Variants in CHMP4B observed in about 807,000 individuals in gnomAD.
CHMP4B encodes the protein charged multivesicular body protein 4B, also known as SNF7 homolog associated with Alix 1.
In CHMP4B, 1 loss-of-function variant was observed where a neutral mutation model predicts 25.1. The observed-to-expected ratio is 0.04, with a 90% CI of 0.01 to 0.19. The LOEUF (loss-of-function observed/expected upper bound fraction) is 0.19. Ranked by LOEUF, CHMP4B falls within the 10% of genes least tolerant of loss-of-function variation. The pLI is 1.00. For missense variants in CHMP4B, 151 were observed against 289.7 expected, an observed-to-expected ratio of 0.52 and a Z score of 3.48; for synonymous variants, 101 against 115.6, an observed-to-expected ratio of 0.87 and a Z score of 0.81.
intron 1 of CHMP4B, among the ~76,000 whole-genome samples, chr20:33,814,327 T>C (rs1978723240): frequency 6.6e-6 from 1 of 152,178 alleles, no homozygotes; most frequent in African/African-American, 2.4e-5. Context: ...TGTCAGCCCT[T>C]CAGGAACTCA....
At chr20:33,844,962 T>C (rs1601327507) in intron 1 of CHMP4B, among the ~76,000 whole-genome samples, 1 of 152,094 alleles carries the variant, frequency 6.6e-6, no homozygotes, top group Non-Finnish European at 1.5e-5. Flanking sequence ...GGTTTCACCG[T>C]GTTAGCCAGG....
chr20:33,852,769 T>C (rs552109397), intron 4 of CHMP4B, among the ~76,000 whole-genome samples: 20 of 152,330 alleles, frequency 1.3e-4, no homozygotes, highest in African/African-American at 4.6e-4. Flanking sequence ...CTGCGCACCC[T>C]GCAAAAGCCC....
Position 33,848,515 on chromosome 20 carries a change from C to T in CHMP4B, c.239C>T (p.Ala80Val), listed in dbSNP as rs531373095. The T allele has an allele frequency of 5.6e-6, 9 of 1,614,198 alleles. No individual in the cohort carries two copies. The East Asian group carries it at 6.7e-5, about 12-fold the overall frequency. ...AAGAAGAGGTATGAGAAGCAGCTGG[C>T]GCAGATCGACGGCACATTATCAACC... ...KRKKRYEKQL[A>V]QIDGTLSTIE... Residue 80 changes from alanine to valine, a missense_variant, in exon 2 of 5, where the codon GCG (alanine) becomes GTG (valine). Around this residue, in one of 3 missense-constraint regions of CHMP4B, gnomAD observed 82 missense variants for 208.3 expected, o/e 0.39. Transcript: ENST00000217402.
chr20:33,816,530 T>C (rs1978787158), intron 1 of CHMP4B, among the ~76,000 whole-genome samples: 1 of 152,226 alleles, frequency 6.6e-6, no homozygotes, highest in African/African-American at 2.4e-5. Flanking sequence ...TTTTGGTACC[T>C]TTCTAAACAA....
At chr20:33,827,187 G>A (rs1364806852) in intron 1 of CHMP4B, among the ~76,000 whole-genome samples, 1 of 152,156 alleles carries the variant, frequency 6.6e-6, no homozygotes, top group Admixed American at 6.5e-5. Flanking sequence ...ACTTTGAGAC[G>A]CTGCACAGTA....
chr20:33,848,285 T>C (rs1043186373), intron 1 of CHMP4B, among the ~76,000 whole-genome samples, 182 bp from the exon 2 acceptor site: 7 of 152,180 alleles, frequency 4.6e-5, no homozygotes, highest in African/African-American at 1.4e-4. Context: ...TGTTTTGAGG[T>C]ATGTGAATTT....
intron 1 of CHMP4B, among the ~76,000 whole-genome samples, chr20:33,831,821 G>A (rs952491303): frequency 6.6e-6 from 1 of 152,162 alleles, no homozygotes; most frequent in African/African-American, 2.4e-5. Flanking sequence ...GAACCAGACT[G>A]TTTTTGTTTT....
intron 1 of CHMP4B, 151 bp from the exon 2 acceptor site, chr20:33,848,316 A>G: frequency 1.3e-6 from 1 of 790,744 alleles, no homozygotes; most frequent in East Asian, 2.7e-5. Flanking sequence ...TAGAAAATTG[A>G]ATGTGCTCTT....
intron 1 of CHMP4B, among the ~76,000 whole-genome samples, chr20:33,836,005 T>A (rs1008660220): frequency 2.0e-5 from 3 of 152,200 alleles, no homozygotes; most frequent in Non-Finnish European, 2.9e-5. Flanking sequence ...CCTCTGACAT[T>A]GGTGATGAAA....
intron 2 of CHMP4B, 44 bp from the exon 3 acceptor site, chr20:33,850,908 G>T (rs548441020): frequency 7.0e-7 from 1 of 1,433,354 alleles, no homozygotes; most frequent in South Asian, 1.1e-5. Context: ...CCCCCTTTAC[G>T]CAGCCTAATC....
chr20:33,845,077 A>G (rs1468346163), intron 1 of CHMP4B, among the ~76,000 whole-genome samples: 1 of 152,016 alleles, frequency 6.6e-6, no homozygotes, highest in Non-Finnish European at 1.5e-5. Context: ...GCTCTTATGA[A>G]CGGTCTCAGA....
chr20:33,851,717 CTG>C (rs1979855386), intron 3 of CHMP4B, among the ~76,000 whole-genome samples: 2 of 152,150 alleles, frequency 1.3e-5, no homozygotes, highest in Admixed American at 1.3e-4. Flanking sequence ...TGTTTTCACA[CTG>C]GAGTTCGATG....
At chr20:33,823,885 A>G (rs889103230) in intron 1 of CHMP4B, among the ~76,000 whole-genome samples, 5 of 152,122 alleles carry the variant, frequency 3.3e-5, no homozygotes, top group African/African-American at 9.7e-5. Flanking sequence ...TATGTTGGCC[A>G]GGCTGTTCTT....
At chr20:33,828,442 G>A (rs766065258) in intron 1 of CHMP4B, among the ~76,000 whole-genome samples, 3 of 152,222 alleles carry the variant, frequency 2.0e-5, no homozygotes, top group Non-Finnish European at 2.9e-5. Flanking sequence ...CAGCTGACGG[G>A]GAGATGGAGC....
chr20:33,823,528 A>G (rs1411857463), intron 1 of CHMP4B, among the ~76,000 whole-genome samples: 1 of 151,634 alleles, frequency 6.6e-6, no homozygotes, highest in Non-Finnish European at 1.5e-5. Context: ...TGTACCACCA[A>G]ACTTGGCTAA....
intron 1 of CHMP4B, among the ~76,000 whole-genome samples, chr20:33,844,125 T>C (rs1979617367): frequency 6.6e-6 from 1 of 152,178 alleles, no homozygotes; most frequent in Admixed American, 6.5e-5. Flanking sequence ...CTATCCCCAG[T>C]ATGAGAGAGC....
At position 33,811,419 on chromosome 20, in the gene CHMP4B, C is replaced by G; in HGVS notation, c.-50C>G. On this transcript the variant is annotated 5_prime_UTR_variant, in exon 1 of 5. Transcript: ENST00000217402. ...CGGAGCCGACCCGAGCCGAGCCGAG[C>G]CGAGCCGAGCCGGAGCGGGCGGCGA... The G allele has an allele frequency of 7.0e-7, 1 of 1,430,604 alleles. No homozygotes were observed. Among genetic ancestry groups the G allele is most frequent in the Admixed American group, 3.0e-5 (1 of 33,772 alleles). The allele number at this position is 1,430,604 out of a possible 1,614,324, so 88.6% of individuals were successfully genotyped here. A position where few individuals can be genotyped will look rare whatever the true frequency, so the allele number is the denominator to read the frequency against.
At chr20:33,853,471 A>C in intron 4 of CHMP4B, 25 bp from the exon 5 acceptor site, 1 of 1,611,740 alleles carries the variant, frequency 6.2e-7, no homozygotes, top group Non-Finnish European at 8.5e-7. Context: ...AGTCATCCTA[A>C]ATAGCCTTTT....
intron 1 of CHMP4B, among the ~76,000 whole-genome samples, chr20:33,820,076 G>GC (rs1978893847): frequency 6.6e-6 from 1 of 152,046 alleles, no homozygotes; most frequent in South Asian, 2.1e-4. Flanking sequence ...TACTCAGGAG[G>GC]CTGAGGCAGC....
Sources: gnomAD v4.1 joint callset for allele counts (sites outside exome capture counted in the v4.1 genomes callset) on GRCh38, gnomAD v4.1.1 for gene constraint, gnomAD v4.1.1 regional missense constraint, MANE v1.5 for transcripts, NCBI Gene and HGNC (gene_info 2026-07-23, HGNC 2026-07-21) for gene names.